TIAM1: variants seen among roughly 807,000 people sequenced by gnomAD.
TIAM1 encodes rho guanine nucleotide exchange factor TIAM1.
A neutral mutation model predicts 163.5 loss-of-function variants in TIAM1; 65 were observed. The observed-to-expected ratio is 0.40, with a 90% CI of 0.33 to 0.49. The LOEUF (loss-of-function observed/expected upper bound fraction) is 0.49, where lower values mean the gene tolerates loss of function less well. Among genes scored for constraint, TIAM1 ranks in the 20% least tolerant of loss-of-function variants. TIAM1 has a pLI of 0.77. For synonymous variants in TIAM1, 833 were observed against 810.1 expected (o/e 1.03, Z -0.48); for missense variants, 1,789 against 2,044.7 (o/e 0.87, Z 2.41).
chr21:31,510,777 ACACT>A (rs1306081960), intron 1 of TIAM1, among the ~76,000 whole-genome samples: 2 of 151,688 alleles, frequency 1.3e-5, no homozygotes, highest in Non-Finnish European at 1.5e-5. Context: ...TCATGCCACT[ACACT>A]CCAGCCTGGG....
intron 6 of TIAM1, among the ~76,000 whole-genome samples, chr21:31,231,543 G>A (rs1230110309): frequency 2.0e-5 from 3 of 152,150 alleles, no homozygotes; most frequent in Admixed American, 6.5e-5. Flanking sequence ...TTCCACGTAA[G>A]AAGGAAAAAC....
chr21:31,313,037 G>A (rs1198783259), intron 2 of TIAM1, among the ~76,000 whole-genome samples: 2 of 152,148 alleles, frequency 1.3e-5, no homozygotes, highest in Non-Finnish European at 2.9e-5. Flanking sequence ...CACCTGCCTG[G>A]TGCAAAAAGA....
intron 2 of TIAM1, among the ~76,000 whole-genome samples, chr21:31,459,536 G>C (rs1213422424): frequency 6.6e-6 from 1 of 152,176 alleles, no homozygotes; most frequent in Non-Finnish European, 1.5e-5. Flanking sequence ...TATTTCAAAA[G>C]AAGAGAAAAG....
chr21:31,237,369 T>C (rs1487695805), intron 6 of TIAM1, among the ~76,000 whole-genome samples: 5 of 152,250 alleles, frequency 3.3e-5, no homozygotes, highest in African/African-American at 1.2e-4. Flanking sequence ...TAGACATGGC[T>C]TCCAAGGTAG....
chr21:31,151,101 T>A (rs2083349760), intron 19 of TIAM1, among the ~76,000 whole-genome samples: 1 of 152,180 alleles, frequency 6.6e-6, no homozygotes, highest in South Asian at 2.1e-4. Flanking sequence ...AGCAGAACAA[T>A]GAGGAGGAAC....
At chr21:31,396,376 T>C (rs1232487789) in intron 2 of TIAM1, among the ~76,000 whole-genome samples, 4 of 151,920 alleles carry the variant, frequency 2.6e-5, no homozygotes, top group African/African-American at 9.7e-5. Flanking sequence ...CCACGGGGTC[T>C]CTCCCTCCAC....
At chr21:31,387,230 G>A (rs1378392457) in intron 2 of TIAM1, among the ~76,000 whole-genome samples, 4 of 142,366 alleles carry the variant, frequency 2.8e-5, no homozygotes, top group African/African-American at 1.1e-4. Context: ...TGGAGGTGGG[G>A]GGCACAGTTG....
chr21:31,262,243 A>C (rs2072519214), intron 4 of TIAM1, among the ~76,000 whole-genome samples: 1 of 152,228 alleles, frequency 6.6e-6, no homozygotes, highest in African/African-American at 2.4e-5. Context: ...ACTGAGATCC[A>C]TGGAAGTCAA....
chr21:31,365,361 A>AGGGT (rs1321039777), intron 2 of TIAM1, among the ~76,000 whole-genome samples: 1 of 149,762 alleles, frequency 6.7e-6, no homozygotes, highest in African/African-American at 2.5e-5. Flanking sequence ...ACCTGCTGGC[A>AGGGT]GGGTCTGTGT....
chr21:31,274,415 T>C (rs753791315), intron 3 of TIAM1, among the ~76,000 whole-genome samples: 3 of 152,270 alleles, frequency 2.0e-5, no homozygotes, highest in South Asian at 4.1e-4. Context: ...CAACCACAGA[T>C]TGTTGAGGGA....
chr21:31,163,076 A>G (rs1448804932), intron 16 of TIAM1, among the ~76,000 whole-genome samples: 2 of 152,190 alleles, frequency 1.3e-5, no homozygotes, highest in Non-Finnish European at 2.9e-5. Flanking sequence ...AAAATCCACA[A>G]GGAGATGAGA....
At chr21:31,280,032 G>GCACACA (rs10635457) in intron 2 of TIAM1, among the ~76,000 whole-genome samples, 1,884 of 151,188 alleles carry the variant, frequency 0.012, 45 homozygotes, top group African/African-American at 0.043. Flanking sequence ...ACGCGTGCGC[G>GCACACA]CACACACACA....
chr21:31,202,890 C>A lies in TIAM1; in HGVS notation c.2493+18G>T. ...TAATCTCCCATAAAGTGTGCTTGGA[C>A]AACAGTCATAACATTACCAGCTCAT... On this transcript the variant is annotated intron_variant, in intron 12 of 27. Coordinates refer to ENST00000541036, the MANE Select transcript of TIAM1 (RefSeq NM_001353694.2). 1 of 1,603,400 alleles carries A rather than the reference C, an allele frequency of 6.2e-7. No homozygotes were observed. The highest frequency in any genetic ancestry group is 8.5e-7 in the Non-Finnish European group (1 of 1,170,758).
chr21:31,526,750 G>A (rs900911788), intron 1 of TIAM1, among the ~76,000 whole-genome samples: 3 of 152,096 alleles, frequency 2.0e-5, no homozygotes, highest in Non-Finnish European at 2.9e-5. Context: ...CACCCAGGCT[G>A]GAGTAGAGGG....
intron 15 of TIAM1, among the ~76,000 whole-genome samples, chr21:31,179,533 T>C (rs1290323746): frequency 6.7e-6 from 1 of 148,180 alleles, no homozygotes; most frequent in Non-Finnish European, 1.5e-5. Context: ...CTCCGAGTTA[T>C]GGCCGCTTAA....
At chr21:31,225,692 T>A in intron 7 of TIAM1, 34 bp downstream of exon 7, 1 of 1,539,882 alleles carries the variant, frequency 6.5e-7, no homozygotes, top group Non-Finnish European at 8.9e-7. Flanking sequence ...GACCTAACAA[T>A]TTTGTCCGGA....
At chr21:31,392,570 CAAAAAA>C (rs61454127) in intron 2 of TIAM1, among the ~76,000 whole-genome samples, 4 of 84,886 alleles carry the variant, frequency 4.7e-5, no homozygotes, top group Non-Finnish European at 9.3e-5. Context: ...AACTCTGTCT[CAAAAAA>C]AAAAAAAAAA....
intron 1 of TIAM1, among the ~76,000 whole-genome samples, chr21:31,498,592 T>C (rs993570623): frequency 6.6e-6 from 1 of 152,142 alleles, no homozygotes; most frequent in African/African-American, 2.4e-5. Flanking sequence ...TGAAATGTGA[T>C]TGATATTTGT....
chr21:31,430,479 A>G (rs2043988250), intron 2 of TIAM1, among the ~76,000 whole-genome samples: 2 of 152,002 alleles, frequency 1.3e-5, no homozygotes, highest in East Asian at 3.9e-4. Context: ...TTACCACTAA[A>G]TGGGAAAAAC....
Sources: allele counts gnomAD v4.1 joint callset (sites outside exome capture counted in the v4.1 genomes callset), GRCh38; gene constraint gnomAD v4.1.1; transcripts MANE v1.5; gene names NCBI Gene and HGNC (gene_info 2026-07-23, HGNC 2026-07-21).